Variants in UBXN7 observed in about 807,000 individuals in gnomAD.
UBXN7 encodes UBX domain protein 7, also known as UBX domain-containing protein 7.
Under a neutral mutation model 58.0 loss-of-function variants are expected in UBXN7, and 9 were observed. That is an observed-to-expected ratio of 0.16 (90% confidence interval 0.09 to 0.27). UBXN7 has a LOEUF of 0.27. Among genes scored for constraint, UBXN7 ranks in the 10% least tolerant of loss-of-function variants. UBXN7 has a pLI of 1.00. For synonymous variants in UBXN7, 208 were observed against 205.0 expected (o/e 1.01, Z -0.12); for missense variants, 328 against 599.6 (o/e 0.55, Z 4.73).
intron 1 of UBXN7, among the ~76,000 whole-genome samples, chr3:196,429,322 G>A (rs559560650): frequency 1.4e-5 from 2 of 147,048 alleles, no homozygotes; most frequent in African/African-American, 5.1e-5. Context: ...GCGAGACTCC[G>A]TCTCAAAAAA....
intron 5 of UBXN7, among the ~76,000 whole-genome samples, chr3:196,384,319 A>G (rs1482882633): frequency 6.6e-6 from 1 of 152,214 alleles, no homozygotes; most frequent in East Asian, 1.9e-4. Context: ...CAGCCTAACA[A>G]CCAAAAAAAG....
At position 196,358,337 on chromosome 3, in the gene UBXN7, C is replaced by CTG. The variant is rs201828229; in HGVS notation, c.1309-1492_1309-1491insCA. On this transcript the variant is annotated intron_variant, in intron 10 of 10. Coordinates refer to ENST00000296328, the MANE Select transcript of UBXN7 (RefSeq NM_015562.2). ...CCAGTCGTCCTTTTCCAGAAGTAGT[C>CTG]ATTTCAGTTGGGTTTCTATTCCATG... 8.6e-3 allele frequency among the ~76,000 whole-genome samples: 1,311 copies of CTG among 152,286 alleles called. 17 individuals carry two copies. Among genetic ancestry groups the CTG allele is most frequent in the African/African-American group, 0.03 (1,227 of 41,538 alleles).
At chr3:196,385,150 G>A (rs559728195) in intron 5 of UBXN7, among the ~76,000 whole-genome samples, 4 of 152,288 alleles carry the variant, frequency 2.6e-5, no homozygotes, top group African/African-American at 4.8e-5. Context: ...TTGCAGGCGC[G>A]CGCCACCACG....
chr3:196,375,183 C>CCA (rs56188527), intron 5 of UBXN7, among the ~76,000 whole-genome samples: 40,097 of 139,476 alleles, frequency 0.29, 5,811 homozygotes, highest in East Asian at 0.6. Context: ...GGTGCTCTTA[C>CCA]CACACACACA....
chr3:196,426,797 A>G (rs1730864429), intron 1 of UBXN7, among the ~76,000 whole-genome samples: 1 of 152,034 alleles, frequency 6.6e-6, no homozygotes, highest in East Asian at 1.9e-4. Flanking sequence ...GCAGTGAGCC[A>G]AGATCGTACC....
Position 196,351,784 on chromosome 3 carries a change from T to C in UBXN7, c.*4901A>G, listed in dbSNP as rs761769854. Reference sequence around the variant, plus strand: ...CAGTGCCCTTTCTGCATATAACATATACTATACTATGCATTGGATTTGTAC... The same window carrying C: ...CAGTGCCCTTTCTGCATATAACATACACTATACTATGCATTGGATTTGTAC... On this transcript the variant is annotated 3_prime_UTR_variant, in exon 11 of 11. Transcript: ENST00000296328. 2.0e-5 allele frequency: 3 copies of C among 152,188 alleles called. No individual in the cohort carries two copies. In the East Asian group the frequency reaches 5.8e-4, roughly 29 times the overall value. 9.4% of individuals were successfully genotyped at this position (152,188 alleles called of 1,614,324 possible).
At chr3:196,359,270 C>A in intron 10 of UBXN7, among the ~76,000 whole-genome samples, 1 of 152,168 alleles carries the variant, frequency 6.6e-6, no homozygotes, top group East Asian at 1.9e-4. Context: ...CACGCCCACA[C>A]AAGACCGCAA....
At position 196,348,445 on chromosome 3, in the gene UBXN7, T is replaced by C. The variant is rs922664167; in HGVS notation, c.*8240A>G. Reference sequence around the variant, plus strand: ...GCACTGTCTCTGTTATCTTCTTGGATTCAATCACAAATTTAGAGTACAGAT... The same window carrying C: ...GCACTGTCTCTGTTATCTTCTTGGACTCAATCACAAATTTAGAGTACAGAT... On this transcript the variant is annotated 3_prime_UTR_variant, in exon 11 of 11. Transcript: ENST00000296328. 6.6e-6 allele frequency: 1 copy of C among 152,172 alleles called. No individual in the cohort carries two copies. Among genetic ancestry groups the C allele is most frequent in the Non-Finnish European group, 1.5e-5 (1 of 68,034 alleles). 9.4% of individuals were successfully genotyped at this position (152,172 alleles called of 1,614,324 possible). A position where few individuals can be genotyped will look rare whatever the true frequency, so the allele number is the denominator to read the frequency against.
At chr3:196,392,706 G>A (rs915985601) in intron 4 of UBXN7, among the ~76,000 whole-genome samples, 1 of 152,060 alleles carries the variant, frequency 6.6e-6, no homozygotes, top group Non-Finnish European at 1.5e-5. Context: ...GGGAGGCTGA[G>A]GCAGGAGAAT....
At chr3:196,410,532 A>T (rs1357485323) in intron 1 of UBXN7, among the ~76,000 whole-genome samples, 1 of 152,142 alleles carries the variant, frequency 6.6e-6, no homozygotes, top group Non-Finnish European at 1.5e-5. Context: ...GTTTAAAATC[A>T]CTTCATGGCA....
At position 196,402,935 on chromosome 3, in the gene UBXN7, GA is replaced by G; in HGVS notation, c.289+16del. On this transcript the variant is annotated intron_variant, in intron 3 of 10. Transcript: ENST00000296328. The stretch of plus-strand genomic sequence containing the variant: ...AGAACAAAATCAAATAAGGCTAAGG[GA>G]AAAAAGTGAACTTACCACCAAATAA... 1 of 1,587,832 alleles carries G rather than the reference GA, an allele frequency of 6.3e-7. No homozygotes were observed. The highest frequency in any genetic ancestry group is 2.0e-5 in the Admixed American group (1 of 50,442).
intron 1 of UBXN7, chr3:196,431,402 G>A (rs529144030): frequency 1.3e-5 from 2 of 152,418 alleles, no homozygotes; most frequent in Admixed American, 1.3e-4. Context: ...ACAAGACAGA[G>A]AGAATTCATA....
At position 196,350,925 on chromosome 3, in the gene UBXN7, T is replaced by C. The variant is rs1728193989; in HGVS notation, c.*5760A>G. 6.6e-6 allele frequency: 1 copy of C among 152,218 alleles called. No individual in the cohort carries two copies. The allele number at this position is 152,218 out of a possible 1,614,324, so 9.4% of individuals were successfully genotyped here. Reference sequence around the variant, plus strand: ...GTTGAATGTCCATAGTACACAGCTGTCTTTAGCCTATTCATCAAGGCTGGT... The same window carrying C: ...GTTGAATGTCCATAGTACACAGCTGCCTTTAGCCTATTCATCAAGGCTGGT... On this transcript the variant is annotated 3_prime_UTR_variant, in exon 11 of 11. Coordinates refer to ENST00000296328, the MANE Select transcript of UBXN7 (RefSeq NM_015562.2).
chr3:196,401,378 T>A (rs1577463654), intron 3 of UBXN7, among the ~76,000 whole-genome samples: 1 of 145,498 alleles, frequency 6.9e-6, no homozygotes. Flanking sequence ...AATAAAAAGG[T>A]TTATCTCATA....
At position 196,369,529 on chromosome 3, in the gene UBXN7, T is replaced by G; in HGVS notation, c.616-18A>C. 1 of 1,436,558 alleles carries G rather than the reference T, an allele frequency of 7.0e-7. No homozygotes were observed. The highest frequency in any genetic ancestry group is 9.4e-7 in the Non-Finnish European group (1 of 1,060,986). The allele number at this position is 1,436,558 out of a possible 1,614,324, so 89.0% of individuals were successfully genotyped here. A position where few individuals can be genotyped will look rare whatever the true frequency, so the allele number is the denominator to read the frequency against. On this transcript the variant is annotated intron_variant, in intron 6 of 10. Coordinates refer to ENST00000296328, the MANE Select transcript of UBXN7 (RefSeq NM_015562.2). Reference sequence around the variant, plus strand: ...TGATAAACCTGTTAAATCATTGATATAAAAAAAAAAGTCAGCCTCTAAGAA... The same window carrying G: ...TGATAAACCTGTTAAATCATTGATAGAAAAAAAAAAGTCAGCCTCTAAGAA...
chr3:196,412,690 A>G (rs1730369385), intron 1 of UBXN7, among the ~76,000 whole-genome samples: 1 of 152,230 alleles, frequency 6.6e-6, no homozygotes, highest in Non-Finnish European at 1.5e-5. Context: ...ACATCAACAC[A>G]TGAATGGATA....
chr3:196,396,824 A>G (rs1729790912), intron 3 of UBXN7, among the ~76,000 whole-genome samples: 3 of 152,138 alleles, frequency 2.0e-5, no homozygotes, highest in Admixed American at 2.0e-4. Context: ...CTAAGAAAGT[A>G]TATTATTTTA....
chr3:196,392,829 AG>A (rs1729630438), intron 4 of UBXN7, among the ~76,000 whole-genome samples: 1 of 152,180 alleles, frequency 6.6e-6, no homozygotes, highest in South Asian at 2.1e-4. Flanking sequence ...AATAAAAAAA[AG>A]ATTATGACAG....
At position 196,407,300 on chromosome 3, in the gene UBXN7, G is replaced by A; in HGVS notation, c.167C>T (p.Ala56Val). 10 of 1,614,048 alleles carry A rather than the reference G, an allele frequency of 6.2e-6. No individual in the cohort carries two copies. The highest frequency in any genetic ancestry group is 5.9e-6 in the Non-Finnish European group (7 of 1,180,018). The change falls in exon 2 of 11, where the codon GCT (alanine) becomes GTT (valine). Residue 56 changes from alanine to valine, a missense_variant. Coordinates refer to ENST00000296328, the MANE Select transcript of UBXN7 (RefSeq NM_015562.2). ...TGCTGAACTGGTACTGGGCTCTTCAGCGATTCCTCCACCATCCAAAAACAT... is the reference window on the plus strand; with the variant it reads ...TGCTGAACTGGTACTGGGCTCTTCAACGATTCCTCCACCATCCAAAAACAT... ...VTMFLDGGGI[A>V]EEPSTSSASV...
Sources: gnomAD v4.1 joint callset for allele counts (sites outside exome capture counted in the v4.1 genomes callset) on GRCh38, gnomAD v4.1.1 for gene constraint, MANE v1.5 for transcripts, NCBI Gene and HGNC (gene_info 2026-07-23, HGNC 2026-07-21) for gene names.